Variants in WDR70 observed in about 807,000 individuals in gnomAD.
The protein encoded by WDR70 is WD repeat domain 70.
In WDR70, 53 loss-of-function variants were observed where a neutral mutation model predicts 88.6. That is an observed-to-expected ratio of 0.60 (90% confidence interval 0.48 to 0.75). The LOEUF (loss-of-function observed/expected upper bound fraction) is 0.75. WDR70 is among the 30% of genes least tolerant of loss of function. The pLI, the probability that WDR70 is intolerant of heterozygous loss-of-function variation, is 0.00. For synonymous variants in WDR70, 280 were observed against 270.0 expected (o/e 1.04, Z -0.36); for missense variants, 610 against 823.2 (o/e 0.74, Z 3.17).
rs952990589 is a variant in WDR70 at position 37,645,898 on chromosome 5, T to C, written c.1092+40660T>C. Reference sequence around the variant, plus strand: ...TGTGTTTCTTGTAAGCAACAGGTCATTGGGTCTTGTTTTTTCATCCATTCA... The same window carrying C: ...TGTGTTTCTTGTAAGCAACAGGTCACTGGGTCTTGTTTTTTCATCCATTCA... On this transcript the variant is annotated intron_variant, in intron 10 of 17. Transcript: ENST00000265107. Among the ~76,000 whole-genome samples, 5 of 152,208 alleles carry C rather than the reference T, an allele frequency of 3.3e-5. No homozygotes were observed. In the East Asian group the frequency reaches 5.8e-4, roughly 18 times the overall value.
intron 10 of WDR70, among the ~76,000 whole-genome samples, chr5:37,677,982 G>A (rs953227771): frequency 3.9e-5 from 6 of 152,266 alleles, no homozygotes; most frequent in African/African-American, 1.2e-4. Flanking sequence ...TTACCATTAT[G>A]TAATGGCCTT....
At chr5:37,514,710 A>G (rs911214700) in intron 8 of WDR70, among the ~76,000 whole-genome samples, 1 of 152,056 alleles carries the variant, frequency 6.6e-6, no homozygotes, top group African/African-American at 2.4e-5. Context: ...TGCTATGTAG[A>G]GCACATGAGG....
intron 8 of WDR70, among the ~76,000 whole-genome samples, chr5:37,484,338 C>T (rs1162011857): frequency 2.0e-5 from 3 of 152,340 alleles, no homozygotes; most frequent in East Asian, 1.9e-4. Context: ...AGATCACTTG[C>T]GGTTAGGAGC....
At chr5:37,568,163 C>A (rs2112397463) in intron 9 of WDR70, among the ~76,000 whole-genome samples, 1 of 152,282 alleles carries the variant, frequency 6.6e-6, no homozygotes, top group African/African-American at 2.4e-5. Flanking sequence ...ATCCACCCAC[C>A]TGGCTCCTTC....
intron 17 of WDR70, among the ~76,000 whole-genome samples, chr5:37,736,487 A>C (rs940100749): frequency 6.6e-6 from 1 of 152,150 alleles, no homozygotes; most frequent in Non-Finnish European, 1.5e-5. Flanking sequence ...ATGCACAGAG[A>C]GAAAATATAT....
At chr5:37,521,729 CA>C (rs1561886020) in intron 9 of WDR70, among the ~76,000 whole-genome samples, 2 of 151,990 alleles carry the variant, frequency 1.3e-5, no homozygotes, top group African/African-American at 2.4e-5. Context: ...CACACACACA[CA>C]CACACACACA....
intron 10 of WDR70, among the ~76,000 whole-genome samples, chr5:37,635,700 G>A (rs1744943563): frequency 6.6e-6 from 1 of 152,062 alleles, no homozygotes; most frequent in Non-Finnish European, 1.5e-5. Context: ...AATTGACAAA[G>A]GAATTAAGTT....
At chr5:37,732,413 C>A (rs1748172560) in intron 17 of WDR70, among the ~76,000 whole-genome samples, 1 of 151,988 alleles carries the variant, frequency 6.6e-6, no homozygotes, top group Admixed American at 6.6e-5. Context: ...AAAAACTATA[C>A]CCTCTTGAAT....
At chr5:37,527,057 A>G (rs1472822187) in intron 9 of WDR70, among the ~76,000 whole-genome samples, 2 of 152,246 alleles carry the variant, frequency 1.3e-5, no homozygotes, top group Non-Finnish European at 2.9e-5. Context: ...CATACTGCCC[A>G]AGGTAATTTA....
chr5:37,518,672 A>G (rs111529500), intron 9 of WDR70, among the ~76,000 whole-genome samples: 24,998 of 146,706 alleles, frequency 0.17, 2,204 homozygotes, highest in South Asian at 0.27. Flanking sequence ...ACGTGGGAGC[A>G]CAGATATCTT....
intron 10 of WDR70, among the ~76,000 whole-genome samples, chr5:37,678,926 C>T (rs926217629): frequency 1.3e-5 from 2 of 152,114 alleles, no homozygotes; most frequent in African/African-American, 4.8e-5. Flanking sequence ...AGGCTTTGTT[C>T]GTTTCTTTTT....
intron 10 of WDR70, among the ~76,000 whole-genome samples, chr5:37,628,153 G>A (rs1311434153): frequency 1.3e-5 from 2 of 152,098 alleles, no homozygotes; most frequent in Non-Finnish European, 2.9e-5. Context: ...CAAATTCCTG[G>A]CCTCAAGTGA....
At chr5:37,544,736 C>T (rs924058695) in intron 9 of WDR70, among the ~76,000 whole-genome samples, 2 of 152,034 alleles carry the variant, frequency 1.3e-5, no homozygotes, top group Non-Finnish European at 2.9e-5. Context: ...GTATAGTTGG[C>T]GTTCATATTT....
intron 7 of WDR70, among the ~76,000 whole-genome samples, chr5:37,467,818 G>A (rs528857411): frequency 2.0e-5 from 3 of 151,698 alleles, no homozygotes; most frequent in Admixed American, 2.0e-4. Context: ...CCGGGTTTAC[G>A]TCATTCCTGC....
At chr5:37,510,591 G>A (rs2112241996) in intron 8 of WDR70, among the ~76,000 whole-genome samples, 1 of 152,204 alleles carries the variant, frequency 6.6e-6, no homozygotes, top group Admixed American at 6.5e-5. Context: ...AAGTTACCAT[G>A]CCTGGTGGAT....
Position 37,564,349 on chromosome 5 carries a change from C to T in WDR70, c.918-40715C>T, listed in dbSNP as rs577881409. ...GACCAGCCCGGCCAACACAGCGAAA[C>T]CCCGTCTCCACCAAAAAAAATACGA... is the stretch of plus-strand genomic sequence containing the variant. On this transcript the variant is annotated intron_variant, in intron 9 of 17. Coordinates refer to ENST00000265107, the MANE Select transcript of WDR70 (RefSeq NM_018034.4). Among the ~76,000 whole-genome samples, 20 of 152,372 alleles carry T rather than the reference C, an allele frequency of 1.3e-4. No individual in the cohort carries two copies. The South Asian group carries it at 3.9e-3, about 30-fold the overall frequency.
intron 10 of WDR70, among the ~76,000 whole-genome samples, chr5:37,685,708 C>A (rs1371815274): frequency 6.6e-6 from 1 of 152,170 alleles, no homozygotes; most frequent in Admixed American, 6.5e-5. Context: ...GGCACGCTGC[C>A]CCTACTACTT....
At chr5:37,475,665 CT>C (rs1339044413) in intron 7 of WDR70, among the ~76,000 whole-genome samples, 1 of 152,034 alleles carries the variant, frequency 6.6e-6, no homozygotes, top group Non-Finnish European at 1.5e-5. Context: ...AATAAATTGT[CT>C]TTTTTATGCA....
At chr5:37,392,764 C>T (rs987219916) in intron 4 of WDR70, among the ~76,000 whole-genome samples, 6 of 151,970 alleles carry the variant, frequency 3.9e-5, no homozygotes, top group African/African-American at 1.2e-4. Flanking sequence ...CCTGCCTTAG[C>T]CTCCCAAGTA....
Sources: allele counts gnomAD v4.1 joint callset (sites outside exome capture counted in the v4.1 genomes callset), GRCh38; gene constraint gnomAD v4.1.1; transcripts MANE v1.5; gene names NCBI Gene and HGNC (gene_info 2026-07-23, HGNC 2026-07-21).